Variants in RAB27B observed in about 807,000 individuals in gnomAD.
RAB27B encodes RAB27B, member RAS oncogene family.
RAB27B carries 15 observed loss-of-function variants against 24.6 expected under a neutral mutation model. The ratio of observed to expected loss-of-function variants is 0.61; its 90% CI spans 0.41 to 0.94. The LOEUF is 0.94. RAB27B is among the 40% of genes least tolerant of loss of function. RAB27B has a pLI of 0.00. For synonymous variants in RAB27B, 105 were observed against 92.5 expected, an observed-to-expected ratio of 1.14 and a Z score of -0.78; for missense variants, 261 against 266.8, an observed-to-expected ratio of 0.98 and a Z score of 0.15.
chr18:54,721,021 A>G (rs1165757850), intron 2 of RAB27B, among the ~76,000 whole-genome samples: 2 of 152,128 alleles, frequency 1.3e-5, no homozygotes, highest in Admixed American at 6.5e-5. Context: ...GGGAGGCACA[A>G]ATTATGTATT....
chr18:54,762,468 A>G (rs1043615699), intron 2 of RAB27B, among the ~76,000 whole-genome samples: 3 of 151,680 alleles, frequency 2.0e-5, no homozygotes, highest in African/African-American at 7.3e-5. Context: ...AAATGAATAC[A>G]CTCCCCCATA....
intron 1 of RAB27B, among the ~76,000 whole-genome samples, chr18:54,850,172 T>TA (rs543932153): frequency 6.6e-6 from 1 of 151,642 alleles, no homozygotes; most frequent in Non-Finnish European, 1.5e-5. Flanking sequence ...TCTTCCTGTC[T>TA]AAAAAAACAT....
chr18:54,768,853 G>A (rs540868171), intron 2 of RAB27B, among the ~76,000 whole-genome samples: 2 of 152,182 alleles, frequency 1.3e-5, no homozygotes, highest in South Asian at 4.1e-4. Context: ...GACAGCATGG[G>A]GAAACTGCCC....
chr18:54,824,845 A>G (rs1173155286), upstream of RAB27B, among the ~76,000 whole-genome samples: 4 of 151,876 alleles, frequency 2.6e-5, no homozygotes, highest in Non-Finnish European at 5.9e-5. Context: ...TCTTGGAGAC[A>G]TTCCTACTGC....
chr18:54,802,675 G>T (rs1364061058), intron 2 of RAB27B, among the ~76,000 whole-genome samples: 2 of 152,196 alleles, frequency 1.3e-5, no homozygotes, highest in Non-Finnish European at 2.9e-5. Flanking sequence ...TAAGGCAAAA[G>T]AGAGTTTAAA....
chr18:54,824,555 A>G (rs1910413019), upstream of RAB27B, among the ~76,000 whole-genome samples: 1 of 152,174 alleles, frequency 6.6e-6, no homozygotes, highest in Non-Finnish European at 1.5e-5. Flanking sequence ...GGTTCTTCGC[A>G]TCTGCGCACT....
At chr18:54,750,575 T>C (rs1276907580) in intron 2 of RAB27B, among the ~76,000 whole-genome samples, 1 of 152,084 alleles carries the variant, frequency 6.6e-6, no homozygotes, top group African/African-American at 2.4e-5. Context: ...AAGGACACAG[T>C]AAACCCAACA....
chr18:54,734,360 C>CT (rs1227526085), intron 2 of RAB27B, among the ~76,000 whole-genome samples: 7 of 152,122 alleles, frequency 4.6e-5, no homozygotes, highest in Admixed American at 2.6e-4. Flanking sequence ...ACTGTCTCTT[C>CT]TATGAGACTC....
At chr18:54,866,118 G>A (rs745439529) in intron 1 of RAB27B, among the ~76,000 whole-genome samples, 2 of 152,058 alleles carry the variant, frequency 1.3e-5, no homozygotes, top group Non-Finnish European at 2.9e-5. Context: ...GAATCACTAT[G>A]AGTGTGTTTT....
At chr18:54,761,299 C>T (rs1004578370) in intron 2 of RAB27B, among the ~76,000 whole-genome samples, 1 of 152,072 alleles carries the variant, frequency 6.6e-6, no homozygotes, top group Non-Finnish European at 1.5e-5. Flanking sequence ...AATATTTTCA[C>T]TCAAATAGAT....
At chr18:54,828,139 C>T (rs944177265), upstream of RAB27B, 2 of 152,220 alleles carry the variant, frequency 1.3e-5, no homozygotes, top group African/African-American at 4.8e-5. Flanking sequence ...CTTCACTCCT[C>T]ATAGTTAATG....
chr18:54,850,655 C>T (rs557065419), intron 1 of RAB27B, among the ~76,000 whole-genome samples: 126 of 151,514 alleles, frequency 8.3e-4, no homozygotes, highest in Admixed American at 1.4e-3. Context: ...CGTGAGCCAC[C>T]GTGCCTGGCT....
At chr18:54,736,851 C>T (rs1044694873) in intron 2 of RAB27B, among the ~76,000 whole-genome samples, 10 of 151,924 alleles carry the variant, frequency 6.6e-5, no homozygotes, top group Admixed American at 6.6e-4. Context: ...GCTGGAGTGT[C>T]GTATGTAATG....
At chr18:54,838,401 A>G (rs904454655) in intron 1 of RAB27B, among the ~76,000 whole-genome samples, 37 of 152,006 alleles carry the variant, frequency 2.4e-4, no homozygotes, top group Non-Finnish European at 4.6e-4. Flanking sequence ...TTTCTAGTCC[A>G]CTGTTTGAAA....
At chr18:54,786,041 C>T (rs1354761465) in intron 2 of RAB27B, among the ~76,000 whole-genome samples, 1 of 152,142 alleles carries the variant, frequency 6.6e-6, no homozygotes, top group Non-Finnish European at 1.5e-5. Context: ...TCTGTCTCAT[C>T]CTTCTTCTCC....
At chr18:54,811,491 T>A (rs975150687) in intron 2 of RAB27B, among the ~76,000 whole-genome samples, 4 of 152,168 alleles carry the variant, frequency 2.6e-5, no homozygotes, top group African/African-American at 9.7e-5. Flanking sequence ...CTTCGATCAG[T>A]CTTTTGCTGA....
chr18:54,889,479 C>A lies in RAB27B; in HGVS notation c.*66C>A. 7.1e-7 allele frequency: 1 copy of A among 1,412,644 alleles called. No individual in the cohort carries two copies. The highest frequency in any genetic ancestry group is 9.5e-7 in the Non-Finnish European group (1 of 1,051,026). 87.5% of individuals were successfully genotyped at this position (1,412,644 alleles called of 1,614,324 possible). On this transcript the variant is annotated 3_prime_UTR_variant, in exon 6 of 6. Transcript: ENST00000262094. The stretch of plus-strand genomic sequence containing the variant: ...ATTACTTTTAAAAACAATGACAAAC[C>A]ACACAATTGTTGTTGAGTAAACCAC...
intron 2 of RAB27B, among the ~76,000 whole-genome samples, chr18:54,740,847 T>C (rs929230635): frequency 4.6e-5 from 7 of 152,138 alleles, no homozygotes; most frequent in African/African-American, 1.4e-4. Context: ...GATCGATAGA[T>C]AGATAATATA....
chr18:54,829,461 G>T (rs1378071354), intron 1 of RAB27B, among the ~76,000 whole-genome samples: 2 of 152,060 alleles, frequency 1.3e-5, no homozygotes, highest in Non-Finnish European at 2.9e-5. Flanking sequence ...TAAAGCTAAG[G>T]GTATGTAATT....
Sources: allele counts gnomAD v4.1 joint callset (sites outside exome capture counted in the v4.1 genomes callset), GRCh38; gene constraint gnomAD v4.1.1; transcripts MANE v1.5; gene names NCBI Gene and HGNC (gene_info 2026-07-23, HGNC 2026-07-21).